Variants in NT5C3A observed in about 807,000 individuals in gnomAD.
The protein encoded by NT5C3A is 5'-nucleotidase, cytosolic IIIA.
NT5C3A carries 23 observed loss-of-function variants against 40.0 expected under a neutral mutation model. The observed-to-expected ratio is 0.58, with a 90% confidence interval of 0.41 to 0.81. The LOEUF (loss-of-function observed/expected upper bound fraction) is 0.81. Ranked by LOEUF, NT5C3A falls within the 40% of genes least tolerant of loss-of-function variation. The pLI is 0.00. For synonymous variants in NT5C3A, 130 were observed against 141.4 expected (o/e 0.92, Z 0.57); for missense variants, 328 against 403.0 (o/e 0.81, Z 1.59).
chr7:33,053,819 A>T (rs1787466139), intron 1 of NT5C3A, among the ~76,000 whole-genome samples: 1 of 152,186 alleles, frequency 6.6e-6, no homozygotes, highest in Non-Finnish European at 1.5e-5. Context: ...GAGAAAAAAA[A>T]TTGTAAAGCT....
chr7:33,015,875 G>GA lies in NT5C3A; in HGVS notation c.694-6dup. 1 of 1,585,126 alleles carries GA rather than the reference G, an allele frequency of 6.3e-7. No individual in the cohort carries two copies. Among genetic ancestry groups the GA allele is most frequent in the Non-Finnish European group, 8.7e-7 (1 of 1,153,948 alleles). On this transcript the variant is annotated splice_region_variant and splice_polypyrimidine_tract_variant and intron_variant, in intron 7 of 8. Coordinates refer to ENST00000610140, the MANE Select transcript of NT5C3A (RefSeq NM_001002010.5). The stretch of plus-strand genomic sequence containing the variant: ...TTTAAATCCTTTGAGCACCCCCTAT[G>GA]AAAAATATAAATCTTTTGAACAGGC...
intron 5 of NT5C3A, 114 bp downstream of exon 5, chr7:33,021,158 A>G (rs969697057): frequency 1.2e-5 from 17 of 1,391,648 alleles, no homozygotes; most frequent in African/African-American, 1.4e-5. Context: ...TCTAACTTGC[A>G]TAATTTATTA....
At chr7:33,023,773 T>C (rs1017741895) in intron 3 of NT5C3A, 10 of 408,510 alleles carry the variant, frequency 2.4e-5, no homozygotes, top group African/African-American at 1.4e-4. Flanking sequence ...TATTTAAATA[T>C]TTCTTGAATA....
chr7:33,028,357 G>A (rs1195145168), intron 1 of NT5C3A, among the ~76,000 whole-genome samples: 1 of 152,178 alleles, frequency 6.6e-6, no homozygotes, highest in African/African-American at 2.4e-5. Context: ...CTTGTTACTA[G>A]CTATTTTATC....
intron 6 of NT5C3A, among the ~76,000 whole-genome samples, chr7:33,017,909 G>A (rs565859247): frequency 7.9e-4 from 121 of 152,324 alleles, no homozygotes; most frequent in African/African-American, 2.6e-3. Flanking sequence ...GGCAGGCATA[G>A]CAGTGCATGC....
intron 1 of NT5C3A, among the ~76,000 whole-genome samples, chr7:33,030,746 A>G (rs549787100): frequency 6.6e-6 from 1 of 152,292 alleles, no homozygotes; most frequent in Non-Finnish European, 1.5e-5. Flanking sequence ...TTTATCCACA[A>G]CTCAATTGTT....
intron 1 of NT5C3A, among the ~76,000 whole-genome samples, chr7:33,061,205 C>T (rs1025124568): frequency 6.6e-6 from 1 of 152,114 alleles, no homozygotes; most frequent in African/African-American, 2.4e-5. Flanking sequence ...AAAAGAAAGC[C>T]AAGTTTTCTA....
intron 1 of NT5C3A, among the ~76,000 whole-genome samples, chr7:33,054,120 T>C (rs1182716781): frequency 3.3e-5 from 5 of 151,756 alleles, no homozygotes; most frequent in South Asian, 2.1e-4. Flanking sequence ...CTTTGGGAGG[T>C]AGAGGTAGGA....
intron 1 of NT5C3A, among the ~76,000 whole-genome samples, chr7:33,036,968 C>T (rs535537661): frequency 4.6e-5 from 7 of 152,152 alleles, no homozygotes; most frequent in South Asian, 2.1e-4. Flanking sequence ...CATGCCGCCA[C>T]GCCTGGTTAA....
intron 1 of NT5C3A, among the ~76,000 whole-genome samples, chr7:33,061,695 C>T (rs937322191): frequency 3.9e-5 from 6 of 152,218 alleles, no homozygotes; most frequent in Admixed American, 6.5e-5. Context: ...TTTTTTCTAT[C>T]ATAAATCATC....
chr7:33,059,464 T>G (rs772469388), intron 1 of NT5C3A, among the ~76,000 whole-genome samples: 4 of 152,258 alleles, frequency 2.6e-5, no homozygotes, highest in Non-Finnish European at 4.4e-5. Flanking sequence ...TGGCTAATAA[T>G]ATAACCAGAA....
chr7:33,024,771 C>A (rs1785826096), intron 2 of NT5C3A, among the ~76,000 whole-genome samples: 1 of 152,132 alleles, frequency 6.6e-6, no homozygotes, highest in African/African-American at 2.4e-5. Context: ...TTGATTATTG[C>A]ACATTTTATA....
chr7:33,056,460 A>C (rs1787572126), intron 1 of NT5C3A, among the ~76,000 whole-genome samples: 1 of 116,858 alleles, frequency 8.6e-6, no homozygotes, highest in African/African-American at 3.3e-5. Flanking sequence ...AAATAGTGAG[A>C]CCCCGTCTCT....
At chr7:33,060,213 A>G (rs1787722198) in intron 1 of NT5C3A, among the ~76,000 whole-genome samples, 1 of 152,158 alleles carries the variant, frequency 6.6e-6, no homozygotes, top group Non-Finnish European at 1.5e-5. Context: ...TCAGCCTCCA[A>G]AAGTGCTGGG....
At chr7:33,016,063 T>G (rs1785307385) in intron 7 of NT5C3A, 193 bp from the exon 8 acceptor site, 2 of 581,478 alleles carry the variant, frequency 3.4e-6, no homozygotes, top group Non-Finnish European at 6.1e-6. Flanking sequence ...GTAAATGATT[T>G]TTTAGATACT....
chr7:33,015,654 A>G lies in NT5C3A; in HGVS notation c.894+16T>C. On this transcript the variant is annotated intron_variant, in intron 8 of 8. Coordinates refer to ENST00000610140, the MANE Select transcript of NT5C3A (RefSeq NM_001002010.5). The stretch of plus-strand genomic sequence containing the variant: ...TAATATTTTCTTCGAAAAAAATTAC[A>G]GATTTGTATACTTACTCTATCATTT... The G allele has an allele frequency of 6.5e-7, 1 of 1,529,480 alleles. No homozygotes were observed. 94.7% of individuals were successfully genotyped at this position (1,529,480 alleles called of 1,614,324 possible).
chr7:33,035,650 G>A (rs1232544234), intron 1 of NT5C3A, among the ~76,000 whole-genome samples: 1 of 152,114 alleles, frequency 6.6e-6, no homozygotes, highest in Non-Finnish European at 1.5e-5. Context: ...CACACTGTAC[G>A]ATTTAAGTGT....
At chr7:33,028,191 C>T (rs1319498325) in intron 1 of NT5C3A, among the ~76,000 whole-genome samples, 3 of 152,190 alleles carry the variant, frequency 2.0e-5, no homozygotes, top group Non-Finnish European at 4.4e-5. Context: ...TGCCTGTAAT[C>T]CCAGCTACTT....
At chr7:33,041,092 A>G in intron 1 of NT5C3A, 2 of 983,850 alleles carry the variant, frequency 2.0e-6, no homozygotes, top group Non-Finnish European at 1.2e-6. Flanking sequence ...AACATTATCA[A>G]TTGAAGTTAT....
Sources: allele counts gnomAD v4.1 joint callset (sites outside exome capture counted in the v4.1 genomes callset), GRCh38; gene constraint gnomAD v4.1.1; transcripts MANE v1.5; gene names NCBI Gene and HGNC (gene_info 2026-07-23, HGNC 2026-07-21).